Variants in MAP4K3 observed in about 807,000 individuals in gnomAD.
The protein encoded by MAP4K3 is mitogen-activated protein kinase kinase kinase kinase 3.
Under a neutral mutation model 143.5 loss-of-function variants are expected in MAP4K3, and 94 were observed. The observed-to-expected ratio is 0.65, with a 90% CI of 0.55 to 0.78. The LOEUF (loss-of-function observed/expected upper bound fraction) is 0.78, where lower values mean the gene tolerates loss of function less well. MAP4K3 is among the 30% of genes least tolerant of loss of function. The probability of loss-of-function intolerance (pLI) is 0.00; values close to 1 mark genes in which losing one functional copy is unlikely to be tolerated. For synonymous variants in MAP4K3, 416 were observed against 347.2 expected, an observed-to-expected ratio of 1.20 and a Z score of -2.20; for missense variants, 1,077 against 1,068.1, an observed-to-expected ratio of 1.01 and a Z score of -0.12.
At chr2:39,376,398 G>A (rs1666219668) in intron 2 of MAP4K3, among the ~76,000 whole-genome samples, 3 of 152,128 alleles carry the variant, frequency 2.0e-5, no homozygotes, top group South Asian at 2.1e-4. Context: ...TTGTATAGTT[G>A]TATATTCTAC....
chr2:39,349,266 T>C (rs1665382382), intron 3 of MAP4K3, among the ~76,000 whole-genome samples: 1 of 152,214 alleles, frequency 6.6e-6, no homozygotes, highest in South Asian at 2.1e-4. Context: ...TTAAACTTTT[T>C]TGGTTGATTT....
intron 13 of MAP4K3, among the ~76,000 whole-genome samples, chr2:39,314,828 A>G (rs1394304005): frequency 3.3e-5 from 5 of 152,176 alleles, no homozygotes; most frequent in African/African-American, 1.2e-4. Context: ...GACTCTATGG[A>G]AAAGTGGTGC....
At chr2:39,343,567 T>C (rs2148535876) in intron 3 of MAP4K3, 115 bp from the exon 4 acceptor site, 1 of 714,024 alleles carries the variant, frequency 1.4e-6, no homozygotes. Flanking sequence ...ATGCAATGTG[T>C]TATCTTTAAA....
At chr2:39,421,488 G>C (rs1667546942) in intron 1 of MAP4K3, among the ~76,000 whole-genome samples, 1 of 151,282 alleles carries the variant, frequency 6.6e-6, no homozygotes, top group Non-Finnish European at 1.5e-5. Context: ...TGGTATTCCA[G>C]AGGTGAGCCA....
intron 12 of MAP4K3, among the ~76,000 whole-genome samples, chr2:39,320,946 C>T (rs1363923090): frequency 2.0e-5 from 3 of 152,112 alleles, no homozygotes; most frequent in African/African-American, 7.2e-5. Flanking sequence ...AAACTAACTA[C>T]TCACAGTGTA....
At position 39,385,551 on chromosome 2, in the gene MAP4K3, C is replaced by CATATATATATAT. The variant is rs140387430; in HGVS notation, c.97-7440_97-7429dup. Among the ~76,000 whole-genome samples, 258 of 111,106 alleles carry CATATATATATAT rather than the reference C, an allele frequency of 2.3e-3. 1 individual carries two copies. The highest frequency in any genetic ancestry group is 4.7e-3 in the Middle Eastern group (1 of 212). The allele number at this position is 111,106 out of a possible 152,430, so 72.9% of individuals were successfully genotyped here. A position where few individuals can be genotyped will look rare whatever the true frequency, so the allele number is the denominator to read the frequency against. ...TTCTTACTGAGTTATGAGCGTTCTT[C>CATATATATATAT]ATATATATATATATATATATATATA... On this transcript the variant is annotated intron_variant, in intron 1 of 33. Transcript: ENST00000263881.
chr2:39,317,852 T>C (rs1003448319), intron 12 of MAP4K3, among the ~76,000 whole-genome samples: 3 of 152,058 alleles, frequency 2.0e-5, no homozygotes, highest in African/African-American at 7.2e-5. Flanking sequence ...TCTGGGGATT[T>C]CTCAAAGAAC....
intron 2 of MAP4K3, among the ~76,000 whole-genome samples, chr2:39,377,755 C>A (rs1005803845): frequency 1.3e-5 from 2 of 152,150 alleles, no homozygotes; most frequent in African/African-American, 4.8e-5. Context: ...ACTGACACCA[C>A]AAGACGTCAG....
chr2:39,336,471 C>CAAAAAAAAAAAAAAAA (rs55780656), intron 6 of MAP4K3, among the ~76,000 whole-genome samples: 1 of 38,680 alleles, frequency 2.6e-5, no homozygotes. Context: ...GACTCCATCT[C>CAAAAAAAAAAAAAAAA]AAAAAAAAAA....
intron 2 of MAP4K3, among the ~76,000 whole-genome samples, chr2:39,372,790 A>T (rs1182276892): frequency 1.3e-5 from 2 of 152,196 alleles, no homozygotes; most frequent in African/African-American, 4.8e-5. Context: ...AAATCAAATT[A>T]AAATGGATTA....
chr2:39,436,868 G>A, intron 1 of MAP4K3, 24 bp downstream of exon 1: 1 of 1,580,416 alleles, frequency 6.3e-7, no homozygotes, highest in Non-Finnish European at 8.6e-7. Context: ...CACGGCCTCG[G>A]CGGCGCGCGG....
At chr2:39,336,864 G>C (rs1664983729) in intron 6 of MAP4K3, 56 bp downstream of exon 6, 8 of 747,108 alleles carry the variant, frequency 1.1e-5, no homozygotes, top group African/African-American at 1.8e-5. Flanking sequence ...AAAACAATTT[G>C]ATCAGAGTAT....
chr2:39,274,899 GTCA>G (rs2148458274), intron 24 of MAP4K3, among the ~76,000 whole-genome samples: 1 of 152,306 alleles, frequency 6.6e-6, no homozygotes, highest in African/African-American at 2.4e-5. Flanking sequence ...CCTGATTAGT[GTCA>G]TCTTCTCACT....
At position 39,250,683 on chromosome 2, in the gene MAP4K3, G is replaced by C; in HGVS notation, c.2620C>G (p.Pro874Ala). ...CTATTTGCTGTGGGGTTATCAGTTG[G>C]CCTACTTTCCAAAACCACGACCCTG... ...SDRVVVLESR[P>A]TDNPTANSNL... Residue 874 changes from proline (P) to alanine (A), a missense_variant, in exon 34 of 34, where the codon CCA becomes GCA. By Grantham distance (27) the Pro-to-Ala change is conservative. Transcript: ENST00000263881. 1 of 1,613,596 alleles carries C rather than the reference G, an allele frequency of 6.2e-7. No homozygotes were observed. Among genetic ancestry groups the C allele is most frequent in the Non-Finnish European group, 8.5e-7 (1 of 1,179,674 alleles).
intron 4 of MAP4K3, among the ~76,000 whole-genome samples, chr2:39,337,993 G>C (rs1665023165): frequency 1.3e-5 from 2 of 151,778 alleles, no homozygotes; most frequent in Non-Finnish European, 2.9e-5. Context: ...GAATTTCTGG[G>C]CTCAAGCAAT....
chr2:39,405,039 T>C (rs1168719727), intron 1 of MAP4K3, among the ~76,000 whole-genome samples: 1 of 152,204 alleles, frequency 6.6e-6, no homozygotes, highest in Admixed American at 6.5e-5. Flanking sequence ...GGCTTCACCA[T>C]CTGCTGATTA....
chr2:39,398,744 A>AATAATAATAATAATG (rs1553424680), intron 1 of MAP4K3, among the ~76,000 whole-genome samples: 2 of 130,168 alleles, frequency 1.5e-5, no homozygotes, highest in African/African-American at 3.0e-5. Flanking sequence ...TAATAATAAT[A>AATAATAATAATAATG]ATGATGATGA....
At chr2:39,311,479 T>A (rs986595233) in intron 13 of MAP4K3, among the ~76,000 whole-genome samples, 2 of 152,206 alleles carry the variant, frequency 1.3e-5, no homozygotes, top group Non-Finnish European at 2.9e-5. Flanking sequence ...TCCTGCCTCT[T>A]GGTATTCAAA....
chr2:39,257,256 A>G (rs1680377134), intron 31 of MAP4K3, among the ~76,000 whole-genome samples: 1 of 152,168 alleles, frequency 6.6e-6, no homozygotes, highest in Admixed American at 6.6e-5. Flanking sequence ...GATGATTTTC[A>G]CCTTATTTTT....
Sources: gnomAD v4.1 joint callset for allele counts (sites outside exome capture counted in the v4.1 genomes callset) on GRCh38, gnomAD v4.1.1 for gene constraint, MANE v1.5 for transcripts, NCBI Gene and HGNC (gene_info 2026-07-23, HGNC 2026-07-21) for gene names.